Variants in MYO16 observed in about 807,000 individuals in gnomAD.
The protein encoded by MYO16 is unconventional myosin-XVI.
Under a neutral mutation model 205.3 loss-of-function variants are expected in MYO16, and 94 were observed. That is an observed-to-expected ratio of 0.46 (90% CI 0.39 to 0.54). The LOEUF (loss-of-function observed/expected upper bound fraction) is 0.54, where lower values mean the gene tolerates loss of function less well. Among genes scored for constraint, MYO16 ranks in the 20% least tolerant of loss-of-function variants. The pLI, the probability that MYO16 is intolerant of heterozygous loss-of-function variation, is 0.00. For missense variants in MYO16, 2,315 were observed against 2,387.5 expected (o/e 0.97, Z 0.63); for synonymous variants, 988 against 954.0 (o/e 1.04, Z -0.66).
chr13:108,497,520 G>T, the MYO16 span, among the ~76,000 whole-genome samples: 1 of 152,124 alleles, frequency 6.6e-6, no homozygotes, highest in East Asian at 1.9e-4. Context: ...TATACTACTT[G>T]CTATAGACAT....
intron 12 of MYO16, among the ~76,000 whole-genome samples, chr13:108,873,751 T>G (rs139689053): frequency 5.7e-5 from 6 of 105,682 alleles, no homozygotes; most frequent in African/African-American, 1.8e-4. Context: ...ACAGGGTCCA[T>G]CCCAACCAAC....
intron 4 of MYO16, among the ~76,000 whole-genome samples, chr13:108,784,750 C>T (rs969270056): frequency 6.6e-6 from 1 of 152,118 alleles, no homozygotes; most frequent in Non-Finnish European, 1.5e-5. Context: ...CTTTGTCTGG[C>T]CTGAGTTTAA....
At chr13:108,729,429 C>T (rs1884449789) in intron 4 of MYO16, among the ~76,000 whole-genome samples, 1 of 152,132 alleles carries the variant, frequency 6.6e-6, no homozygotes, top group Non-Finnish European at 1.5e-5. Flanking sequence ...GATAGTTCAA[C>T]TAGCTGCTTT....
chr13:108,632,621 T>G (rs2139358644), intron 1 of MYO16, among the ~76,000 whole-genome samples: 1 of 152,362 alleles, frequency 6.6e-6, no homozygotes, highest in South Asian at 2.1e-4. Flanking sequence ...ATTTTTACTT[T>G]ATTTTAGAGA....
chr13:108,891,070 G>A (rs954293778), intron 14 of MYO16, among the ~76,000 whole-genome samples: 1 of 152,162 alleles, frequency 6.6e-6, no homozygotes, highest in Non-Finnish European at 1.5e-5. Context: ...GGGAATAAAT[G>A]AATATACTAA....
At chr13:108,882,554 G>C (rs1879666601) in intron 12 of MYO16, among the ~76,000 whole-genome samples, 1 of 152,140 alleles carries the variant, frequency 6.6e-6, no homozygotes, top group African/African-American at 2.4e-5. Context: ...TACTGGAAAT[G>C]AATCATTATG....
intron 12 of MYO16, among the ~76,000 whole-genome samples, chr13:108,874,341 G>T (rs558110704): frequency 6.6e-6 from 1 of 152,172 alleles, no homozygotes; most frequent in East Asian, 1.9e-4. Flanking sequence ...ACTATTTAGA[G>T]AAATACGCCA....
chr13:109,093,138 T>C (rs1178187245), intron 27 of MYO16, among the ~76,000 whole-genome samples: 2 of 152,226 alleles, frequency 1.3e-5, no homozygotes, highest in East Asian at 3.8e-4. Flanking sequence ...TAAATTTTCA[T>C]TTAACTATGA....
intron 31 of MYO16, among the ~76,000 whole-genome samples, chr13:109,130,429 A>G (rs1011073018): frequency 1.3e-5 from 2 of 152,242 alleles, no homozygotes; most frequent in African/African-American, 4.8e-5. Flanking sequence ...ACAAAAAGAA[A>G]GTCTTTGATC....
chr13:108,784,814 C>T (rs537871034), intron 4 of MYO16, among the ~76,000 whole-genome samples: 1 of 152,264 alleles, frequency 6.6e-6, no homozygotes, highest in Non-Finnish European at 1.5e-5. Flanking sequence ...CATATGTTCA[C>T]GCCATGCCCT....
intron 33 of MYO16, among the ~76,000 whole-genome samples, chr13:109,168,300 T>C (rs1348627356): frequency 6.6e-6 from 1 of 152,162 alleles, no homozygotes; most frequent in Non-Finnish European, 1.5e-5. Context: ...TTTTAAAAAC[T>C]AAGTTTTCTG....
intron 12 of MYO16, among the ~76,000 whole-genome samples, chr13:108,875,583 T>C (rs984136521): frequency 2.0e-5 from 3 of 152,170 alleles, no homozygotes; most frequent in African/African-American, 7.2e-5. Context: ...TATGAGTTTA[T>C]CAGGAAATAA....
At chr13:109,063,244 G>A (rs1438288190) in intron 27 of MYO16, among the ~76,000 whole-genome samples, 2 of 152,028 alleles carry the variant, frequency 1.3e-5, no homozygotes, top group Admixed American at 6.6e-5. Context: ...TTAGTTGAGA[G>A]GATACTATTT....
chr13:109,004,646 G>A (rs966431955), intron 21 of MYO16, among the ~76,000 whole-genome samples: 1 of 152,142 alleles, frequency 6.6e-6, no homozygotes, highest in Non-Finnish European at 1.5e-5. Context: ...GGAGATTTAT[G>A]CCCTGTAGGA....
At chr13:108,875,574 A>T (rs993614487) in intron 12 of MYO16, among the ~76,000 whole-genome samples, 1 of 152,212 alleles carries the variant, frequency 6.6e-6, no homozygotes, top group Non-Finnish European at 1.5e-5. Context: ...GAGAGAGGTT[A>T]TGAGTTTATC....
chr13:108,888,995 C>T (rs1274200181), intron 14 of MYO16, among the ~76,000 whole-genome samples: 4 of 151,572 alleles, frequency 2.6e-5, no homozygotes, highest in Admixed American at 2.0e-4. Flanking sequence ...GCAGAGGTTG[C>T]GGTGAGCTGA....
chr13:109,035,942 A>G (rs1487342361), intron 23 of MYO16, among the ~76,000 whole-genome samples: 1 of 152,198 alleles, frequency 6.6e-6, no homozygotes, highest in Non-Finnish European at 1.5e-5. Context: ...AGTTGAAAGC[A>G]TTTGCATTTT....
intron 28 of MYO16, among the ~76,000 whole-genome samples, chr13:109,110,229 C>G (rs559502740): frequency 6.6e-6 from 1 of 152,276 alleles, no homozygotes; most frequent in Admixed American, 6.5e-5. Context: ...AGCTAATTAC[C>G]TTTGTTTGGG....
intron 4 of MYO16, among the ~76,000 whole-genome samples, chr13:108,758,432 G>C (rs887628762): frequency 6.6e-6 from 1 of 152,112 alleles, no homozygotes; most frequent in African/African-American, 2.4e-5. Flanking sequence ...ATCTGTAAGA[G>C]ATCACTGTTA....
Sources: allele counts gnomAD v4.1 joint callset (sites outside exome capture counted in the v4.1 genomes callset), GRCh38; gene constraint gnomAD v4.1.1; transcripts MANE v1.5; gene names NCBI Gene and HGNC (gene_info 2026-07-23, HGNC 2026-07-21).